The following SLC2A13 variants were observed in gnomAD, a reference collection of about 807,000 sequenced individuals.
SLC2A13 encodes the protein proton myo-inositol cotransporter.
SLC2A13 carries 32 observed loss-of-function variants against 64.4 expected under a neutral mutation model. The ratio of observed to expected loss-of-function variants is 0.50; its 90% confidence interval spans 0.37 to 0.67. The LOEUF (loss-of-function observed/expected upper bound fraction) is 0.67, where lower values mean the gene tolerates loss of function less well. Ranked by LOEUF, SLC2A13 falls within the 30% of genes least tolerant of loss-of-function variation. SLC2A13 has a pLI of 0.00. For missense variants in SLC2A13, 743 were observed against 829.2 expected (o/e 0.90, Z 1.28); for synonymous variants, 338 against 327.1 (o/e 1.03, Z -0.36).
intron 6 of SLC2A13, among the ~76,000 whole-genome samples, chr12:39,864,451 T>C (rs1943849551): frequency 6.6e-6 from 1 of 152,226 alleles, no homozygotes; most frequent in South Asian, 2.1e-4. Flanking sequence ...GAATTGTATA[T>C]GATCTAAAAT....
At chr12:39,853,211 G>A (rs1943515070) in intron 6 of SLC2A13, among the ~76,000 whole-genome samples, 1 of 152,120 alleles carries the variant, frequency 6.6e-6, no homozygotes, top group Admixed American at 6.6e-5. Context: ...CTACCTCTGT[G>A]TCTTCTTTGC....
chr12:39,945,145 C>A (rs920773821), intron 4 of SLC2A13, among the ~76,000 whole-genome samples: 4 of 152,132 alleles, frequency 2.6e-5, no homozygotes, highest in African/African-American at 9.7e-5. Flanking sequence ...AAACAAAATT[C>A]TTGGCTGATA....
At chr12:39,860,453 A>T (rs748623552) in intron 6 of SLC2A13, among the ~76,000 whole-genome samples, 14 of 152,190 alleles carry the variant, frequency 9.2e-5, no homozygotes, top group Non-Finnish European at 1.6e-4. Flanking sequence ...ATGTCTATGG[A>T]CTTAATTATC....
At chr12:39,791,134 G>A (rs1186591680) in intron 7 of SLC2A13, among the ~76,000 whole-genome samples, 2 of 151,624 alleles carry the variant, frequency 1.3e-5, no homozygotes, top group Non-Finnish European at 2.9e-5. Context: ...TTTGTCAGAT[G>A]AGTAGGTTGC....
intron 1 of SLC2A13, among the ~76,000 whole-genome samples, chr12:40,051,368 C>T (rs142790151): frequency 0.011 from 1,703 of 152,168 alleles, 21 homozygotes; most frequent in Non-Finnish European, 0.016. Context: ...AGACAGAGGG[C>T]GCCTAAGTCA....
intron 3 of SLC2A13, among the ~76,000 whole-genome samples, chr12:40,021,298 G>A (rs1261059296): frequency 3.9e-5 from 6 of 152,140 alleles, no homozygotes. Context: ...ATCCAAGAAT[G>A]ATTCCAATTC....
intron 4 of SLC2A13, among the ~76,000 whole-genome samples, chr12:39,919,445 T>C (rs1945577197): frequency 6.6e-6 from 1 of 152,092 alleles, no homozygotes; most frequent in African/African-American, 2.4e-5. Context: ...ATAATCAAGA[T>C]AAGTGGATAC....
chr12:39,866,186 T>C (rs1943906417), intron 5 of SLC2A13, among the ~76,000 whole-genome samples: 1 of 152,176 alleles, frequency 6.6e-6, no homozygotes, highest in African/African-American at 2.4e-5. Context: ...ATATTCAAAA[T>C]AGATTTTAAA....
At chr12:40,088,142 G>T (rs1462461978) in intron 1 of SLC2A13, among the ~76,000 whole-genome samples, 1 of 152,114 alleles carries the variant, frequency 6.6e-6, no homozygotes. Context: ...AGGAGTAAAT[G>T]GCATAACATT....
intron 4 of SLC2A13, among the ~76,000 whole-genome samples, chr12:39,946,944 C>G (rs754560052): frequency 1.3e-5 from 2 of 152,180 alleles, no homozygotes; most frequent in African/African-American, 4.8e-5. Context: ...ACTTTTACCC[C>G]CTGCTCCTCT....
intron 4 of SLC2A13, among the ~76,000 whole-genome samples, chr12:39,921,001 C>T (rs1351653352): frequency 2.0e-5 from 3 of 151,986 alleles, no homozygotes; most frequent in African/African-American, 7.3e-5. Context: ...GGCAAACAGA[C>T]AAAGAGTAGT....
intron 2 of SLC2A13, among the ~76,000 whole-genome samples, chr12:40,045,523 A>C (rs1468374173): frequency 6.7e-6 from 1 of 150,114 alleles, no homozygotes; most frequent in East Asian, 1.9e-4. Flanking sequence ...GATGAGATAA[A>C]TATACTGATA....
chr12:39,896,351 T>C (rs1482332584), intron 4 of SLC2A13, among the ~76,000 whole-genome samples: 12 of 127,272 alleles, frequency 9.4e-5, no homozygotes, highest in Non-Finnish European at 1.3e-4. Context: ...CATATATGTA[T>C]GTATATGTGT....
At chr12:39,996,610 G>A (rs1007646389) in intron 3 of SLC2A13, among the ~76,000 whole-genome samples, 1 of 152,190 alleles carries the variant, frequency 6.6e-6, no homozygotes, top group African/African-American at 2.4e-5. Context: ...CATGCAGTGT[G>A]TAGCCTAGCC....
chr12:39,868,946 T>C (rs1592224022), intron 5 of SLC2A13, among the ~76,000 whole-genome samples: 2 of 152,168 alleles, frequency 1.3e-5, no homozygotes, highest in Non-Finnish European at 2.9e-5. Context: ...TAACAAAAAA[T>C]CATCTTGATA....
At chr12:40,065,418 C>T (rs11174998) in intron 1 of SLC2A13, among the ~76,000 whole-genome samples, 14,841 of 145,704 alleles carry the variant, frequency 0.1, 880 homozygotes, top group East Asian at 0.2. Context: ...CTCATCTTTA[C>T]AAGAAAAAAA....
intron 2 of SLC2A13, among the ~76,000 whole-genome samples, chr12:40,042,009 G>C (rs937063877): frequency 2.6e-5 from 4 of 152,216 alleles, no homozygotes; most frequent in Non-Finnish European, 5.9e-5. Flanking sequence ...GTGTCCACCT[G>C]AGTCCCATCA....
At chr12:39,939,609 T>A (rs1945983962) in intron 4 of SLC2A13, among the ~76,000 whole-genome samples, 1 of 152,164 alleles carries the variant, frequency 6.6e-6, no homozygotes, top group African/African-American at 2.4e-5. Context: ...TTATCAGCCA[T>A]AACCTAGATT....
At chr12:39,852,500 C>T (rs536567893) in intron 6 of SLC2A13, among the ~76,000 whole-genome samples, 3 of 152,310 alleles carry the variant, frequency 2.0e-5, no homozygotes, top group Non-Finnish European at 4.4e-5. Context: ...TCATGACTCA[C>T]AGAAGATAAC....
Sources: allele counts gnomAD v4.1 joint callset (sites outside exome capture counted in the v4.1 genomes callset), GRCh38; gene constraint gnomAD v4.1.1; transcripts MANE v1.5; gene names NCBI Gene and HGNC (gene_info 2026-07-23, HGNC 2026-07-21).